The following DERA variants were observed in gnomAD, a reference collection of about 807,000 sequenced individuals.
DERA encodes deoxyribose-phosphate aldolase.
DERA carries 15 observed loss-of-function variants against 41.1 expected under a neutral mutation model. That is an observed-to-expected ratio of 0.37 (90% CI 0.24 to 0.56). The LOEUF (loss-of-function observed/expected upper bound fraction) is 0.56, where lower values mean the gene tolerates loss of function less well. Among genes scored for constraint, DERA ranks in the 20% least tolerant of loss-of-function variants. The pLI, the probability that DERA is intolerant of heterozygous loss-of-function variation, is 0.81. For missense variants in DERA, 396 were observed against 403.4 expected (o/e 0.98, Z 0.16); for synonymous variants, 139 against 137.4 (o/e 1.01, Z -0.08).
rs1365880587 is a variant in DERA, at chr12:15,962,835, A to G, written c.396A>G (p.Gly132=). 3.9e-6 allele frequency: 6 copies of G among 1,553,636 alleles called. No homozygotes were observed. Among genetic ancestry groups the G allele is most frequent in the Non-Finnish European group, 4.4e-6 (5 of 1,147,874 alleles). Residue 132 remains glycine, a synonymous_variant, in exon 5 of 9, where the codon GGA becomes GGG. Coordinates refer to ENST00000428559, the MANE Select transcript of DERA (RefSeq NM_015954.4). The part of the protein sequence containing the change: ...VASVAAGFPA[G]QTHLKTRLEE... Reference sequence around the variant, plus strand: ...TAGTGGCCGCTGGATTTCCAGCTGGACAGACTCATTTGAAGACACGATTAG... The same window carrying G: ...TAGTGGCCGCTGGATTTCCAGCTGGGCAGACTCATTTGAAGACACGATTAG...
Position 15,943,100 on chromosome 12 carries a change from C to T in DERA, c.32-13836C>T, listed in dbSNP as rs539030457. 6.6e-6 allele frequency among the ~76,000 whole-genome samples: 1 copy of T among 152,296 alleles called. No homozygotes were observed. The highest frequency in any genetic ancestry group is 2.4e-5 in the African/African-American group (1 of 41,558). ...GACAGTGTGTTCTAATCTGTAAACT[C>T]TTCCACACACTTACCTGAGGCTGTT... On this transcript the variant is annotated intron_variant, in intron 1 of 8. Coordinates refer to ENST00000428559, the MANE Select transcript of DERA (RefSeq NM_015954.4). The surrounding 1 kb of genome is among the most constrained non-coding windows in gnomAD (Gnocchi z 4.5).
rs1948488526 is a variant in DERA at position 15,950,390 on chromosome 12, G to A, written c.32-6546G>A. ...ACTTGTGGGAGTGTGGCAGTGAGGA[G>A]GACCAGAGGTCACTCTCATAGCCAT... On this transcript the variant is annotated intron_variant, in intron 1 of 8. Coordinates refer to ENST00000428559, the MANE Select transcript of DERA (RefSeq NM_015954.4). Among the ~76,000 whole-genome samples, 3 of 152,298 alleles carry A rather than the reference G, an allele frequency of 2.0e-5. No individual in the cohort carries two copies. In the South Asian group the frequency reaches 6.2e-4, roughly 32 times the overall value.
At chr12:15,930,275 G>A (rs1948317950) in intron 1 of DERA, among the ~76,000 whole-genome samples, 1 of 152,016 alleles carries the variant, frequency 6.6e-6, no homozygotes, top group Non-Finnish European at 1.5e-5. Flanking sequence ...GGCAGTTGGA[G>A]CCTCAATGTG....
chr12:16,000,852 GT>G lies in DERA; in HGVS notation c.637+18425del, dbSNP rs146862908. 0.091 allele frequency among the ~76,000 whole-genome samples: 13,818 copies of G among 151,672 alleles called. 984 individuals are homozygous for G. Among genetic ancestry groups the G allele is most frequent in the Admixed American group, 0.24 (3,662 of 15,236 alleles). On this transcript the variant is annotated intron_variant, in intron 6 of 8. Transcript: ENST00000428559. The surrounding 1 kb of genome is among the most constrained non-coding windows in gnomAD (Gnocchi z 4.8). ...TATAGTTGCATCCATCAGATGTTGA[GT>G]TTTTTTTTACTAGGATTGTAGAGTA...
At position 15,995,448 on chromosome 12, in the gene DERA, G is replaced by T. The variant is rs955127699; in HGVS notation, c.637+13012G>T. Reference sequence around the variant, plus strand: ...ACTGTTATTTGTGTTTAGCTACTCTGTTGATGTCCCTGTAGTGATGCACTT... The same window carrying T: ...ACTGTTATTTGTGTTTAGCTACTCTTTTGATGTCCCTGTAGTGATGCACTT... On this transcript the variant is annotated intron_variant, in intron 6 of 8. Transcript: ENST00000428559. This position sits in a 1 kb window ranked among gnomAD's most constrained non-coding sequence, Gnocchi z 5.1. Among the ~76,000 whole-genome samples the T allele has an allele frequency of 6.6e-5, 10 of 152,210 alleles. No homozygotes were observed. Among genetic ancestry groups the T allele is most frequent in the Non-Finnish European group, 1.3e-4 (9 of 68,042 alleles).
rs1403784283 is a variant in DERA at position 15,972,601 on chromosome 12, CA to C, written c.508+9655del. 5.6e-6 allele frequency: 1 copy of C among 179,580 alleles called. No individual in the cohort carries two copies. The highest frequency in any genetic ancestry group is 2.3e-5 in the African/African-American group (1 of 42,608). The allele number at this position is 179,580 out of a possible 1,614,324, so 11.1% of individuals were successfully genotyped here. A position where few individuals can be genotyped will look rare whatever the true frequency, so the allele number is the denominator to read the frequency against. On this transcript the variant is annotated intron_variant, in intron 5 of 8. Transcript: ENST00000428559. The surrounding 1 kb of genome is among the most constrained non-coding windows in gnomAD (Gnocchi z 4.4). Reference sequence around the variant, plus strand: ...CCAATTCCTGCCTCATGATGTGTCCCAGGGGCATTTCACGCATAGTGCAGAA... The same window carrying C: ...CCAATTCCTGCCTCATGATGTGTCCCGGGGCATTTCACGCATAGTGCAGAA...
chr12:15,940,058 T>C lies in DERA; in HGVS notation c.32-16878T>C, dbSNP rs975288971. Reference sequence around the variant, plus strand: ...TAAGAACATATTTTTACCATGATACTACAACAAAATTTGTATCCATGTTGT... The same window carrying C: ...TAAGAACATATTTTTACCATGATACCACAACAAAATTTGTATCCATGTTGT... On this transcript the variant is annotated intron_variant, in intron 1 of 8. Coordinates refer to ENST00000428559, the MANE Select transcript of DERA (RefSeq NM_015954.4). The surrounding 1 kb of genome is among the most constrained non-coding windows in gnomAD (Gnocchi z 5.1). Among the ~76,000 whole-genome samples the C allele has an allele frequency of 1.3e-5, 2 of 152,224 alleles. No individual in the cohort carries two copies. The highest frequency in any genetic ancestry group is 2.1e-4 in the South Asian group (1 of 4,830).
chr12:15,911,383 C>A lies in DERA; in HGVS notation c.-1C>A. On this transcript the variant is annotated 5_prime_UTR_variant, in exon 1 of 9. Coordinates refer to ENST00000428559, the MANE Select transcript of DERA (RefSeq NM_015954.4). The surrounding 1 kb of genome is among the most constrained non-coding windows in gnomAD (Gnocchi z 4.5). Reference sequence around the variant, plus strand: ...CCGGCAGCTCCGGAGCTGCCCGCGCCATGTCCGCGCACAATCGGGGCACCG... The same window carrying A: ...CCGGCAGCTCCGGAGCTGCCCGCGCAATGTCCGCGCACAATCGGGGCACCG... 1 of 1,405,922 alleles carries A rather than the reference C, an allele frequency of 7.1e-7. No individual in the cohort carries two copies. The highest frequency in any genetic ancestry group is 1.6e-5 in the South Asian group (1 of 63,586). 87.1% of individuals were successfully genotyped at this position (1,405,922 alleles called of 1,614,324 possible). A position where few individuals can be genotyped will look rare whatever the true frequency, so the allele number is the denominator to read the frequency against.
chr12:15,927,340 G>A (rs1172783002), intron 1 of DERA, among the ~76,000 whole-genome samples: 1 of 152,048 alleles, frequency 6.6e-6, no homozygotes, highest in African/African-American at 2.4e-5. Context: ...AAGTCTCATT[G>A]GTACCATTCT....
At chr12:16,029,783 T>G (rs1459774376) in intron 6 of DERA, among the ~76,000 whole-genome samples, 1 of 152,136 alleles carries the variant, frequency 6.6e-6, no homozygotes, top group Non-Finnish European at 1.5e-5. Flanking sequence ...TGCTTTGCTC[T>G]CCCAAATATA....
chr12:15,959,977 T>C lies in DERA; in HGVS notation c.373+53T>C. The C allele has an allele frequency of 7.6e-7, 1 of 1,314,278 alleles. No individual in the cohort carries two copies. The highest frequency in any genetic ancestry group is 1.1e-6 in the Non-Finnish European group (1 of 936,490). 81.4% of individuals were successfully genotyped at this position (1,314,278 alleles called of 1,614,324 possible). Reference sequence around the variant, plus strand: ...ATTTTTTAAACATGTTTCCAGTTCTTCATACAATGGGGTATTATATGTAGG... The same window carrying C: ...ATTTTTTAAACATGTTTCCAGTTCTCCATACAATGGGGTATTATATGTAGG... On this transcript the variant is annotated intron_variant, in intron 4 of 8. Coordinates refer to ENST00000428559, the MANE Select transcript of DERA (RefSeq NM_015954.4). The surrounding 1 kb of genome is among the most constrained non-coding windows in gnomAD (Gnocchi z 4.5).
intron 1 of DERA, among the ~76,000 whole-genome samples, chr12:15,926,861 C>T (rs1948290459): frequency 6.6e-6 from 1 of 152,078 alleles, no homozygotes; most frequent in Admixed American, 6.5e-5. Context: ...ATTCAGCCCT[C>T]ATGCCTTAGG....
At position 15,992,865 on chromosome 12, in the gene DERA, C is replaced by A. The variant is rs1948811345; in HGVS notation, c.637+10429C>A. ...AGCTCCGCTCTGAAGTTATTCTAGA[C>A]CTTATCTTTGGAAATAATGCAGGCA... On this transcript the variant is annotated intron_variant, in intron 6 of 8. Coordinates refer to ENST00000428559, the MANE Select transcript of DERA (RefSeq NM_015954.4). The surrounding 1 kb of genome is among the most constrained non-coding windows in gnomAD (Gnocchi z 4.3). 6.6e-6 allele frequency among the ~76,000 whole-genome samples: 1 copy of A among 152,186 alleles called. No homozygotes were observed. The highest frequency in any genetic ancestry group is 2.4e-5 in the African/African-American group (1 of 41,536).
At chr12:16,005,144 C>T (rs1241936593) in intron 6 of DERA, among the ~76,000 whole-genome samples, 4 of 152,020 alleles carry the variant, frequency 2.6e-5, no homozygotes, top group Admixed American at 1.3e-4. Context: ...GAAGAGTTAC[C>T]GTCAGAGTTG....
chr12:16,028,563 C>T (rs1565618761), intron 6 of DERA, among the ~76,000 whole-genome samples: 2 of 151,986 alleles, frequency 1.3e-5, no homozygotes, highest in Non-Finnish European at 2.9e-5. Context: ...TCAAAGAGTA[C>T]AGTATGAAAA....
chr12:15,983,102 A>G lies in DERA; in HGVS notation c.637+666A>G, dbSNP rs1948743435. 6.6e-6 allele frequency among the ~76,000 whole-genome samples: 1 copy of G among 151,968 alleles called. No individual in the cohort carries two copies. Among genetic ancestry groups the G allele is most frequent in the Non-Finnish European group, 1.5e-5 (1 of 67,988 alleles). On this transcript the variant is annotated intron_variant, in intron 6 of 8. Transcript: ENST00000428559. This position sits in a 1 kb window ranked among gnomAD's most constrained non-coding sequence, Gnocchi z 6.2. The stretch of plus-strand genomic sequence containing the variant: ...CTAAGTGCTGCTGTCTTAGGCCACC[A>G]TCCTCCTCCACAGGGATTACTTCAG...
At chr12:15,952,882 C>G (rs149903785) in intron 1 of DERA, among the ~76,000 whole-genome samples, 1 of 152,332 alleles carries the variant, frequency 6.6e-6, no homozygotes, top group Non-Finnish European at 1.5e-5. Flanking sequence ...TTGCTTCTGA[C>G]AGCCCCACAA....
rs1476395968 is a variant in DERA at position 16,013,941 on chromosome 12, C to T, written c.638-18601C>T. Among the ~76,000 whole-genome samples, 1 of 152,056 alleles carries T rather than the reference C, an allele frequency of 6.6e-6. No individual in the cohort carries two copies. The highest frequency in any genetic ancestry group is 2.4e-5 in the African/African-American group (1 of 41,378). On this transcript the variant is annotated intron_variant, in intron 6 of 8. Transcript: ENST00000428559. This position sits in a 1 kb window ranked among gnomAD's most constrained non-coding sequence, Gnocchi z 5.8. ...GCAAAGAGACTGGTGGCACTTTGCC[C>T]CTGCCCTAAAGATCTGCGGAACTTT...
chr12:15,925,480 A>C (rs552295152), intron 1 of DERA, among the ~76,000 whole-genome samples: 1 of 152,276 alleles, frequency 6.6e-6, no homozygotes, highest in South Asian at 2.1e-4. Context: ...TTACTCTTTT[A>C]AGTGTGAAAA....
Sources: allele counts gnomAD v4.1 joint callset (sites outside exome capture counted in the v4.1 genomes callset), GRCh38; gene constraint gnomAD v4.1.1; non-coding constraint Gnocchi (gnomAD v3.1); transcripts MANE v1.5; gene names NCBI Gene and HGNC (gene_info 2026-07-23, HGNC 2026-07-21).